The following COL18A1 variants were observed in gnomAD, a reference collection of about 807,000 sequenced individuals.
COL18A1 encodes the protein collagen type XVIII alpha 1 chain, also known as collagen alpha-1(XVIII) chain.
COL18A1 carries 133 observed loss-of-function variants against 168.0 expected under a neutral mutation model. That is an observed-to-expected ratio of 0.79 (90% CI 0.69 to 0.91). The LOEUF (loss-of-function observed/expected upper bound fraction) is 0.91, where lower values mean the gene tolerates loss of function less well. COL18A1 is among the 40% of genes least tolerant of loss of function. The pLI, the probability that COL18A1 is intolerant of heterozygous loss-of-function variation, is 0.00. For synonymous variants in COL18A1, 949 were observed against 809.0 expected (o/e 1.17, Z -2.94); for missense variants, 2,126 against 1,925.4 (o/e 1.10, Z -1.95).
intron 32 of COL18A1, among the ~76,000 whole-genome samples, chr21:45,497,997 CG>C (rs1322450541): frequency 6.6e-6 from 1 of 152,170 alleles, no homozygotes; most frequent in Non-Finnish European, 1.5e-5. Flanking sequence ...TCCACGGGGC[CG>C]GGGGTCGGCA....
intron 2 of COL18A1, among the ~76,000 whole-genome samples, chr21:45,411,083 G>A (rs529930074): frequency 6.6e-6 from 1 of 152,170 alleles, no homozygotes; most frequent in African/African-American, 2.4e-5. Flanking sequence ...GGGACATCTG[G>A]CCTCTCCCTG....
At chr21:45,508,517 AGTGGATGGGTGG>A (rs1040015890) in intron 38 of COL18A1, among the ~76,000 whole-genome samples, 13 of 148,048 alleles carry the variant, frequency 8.8e-5, no homozygotes, top group South Asian at 8.5e-4. Context: ...TAAGTGGGTT[AGTGGATGGGTGG>A]GTGGATGGAT....
chr21:45,507,984 A>G (rs1237606070), intron 38 of COL18A1, among the ~76,000 whole-genome samples: 1 of 152,148 alleles, frequency 6.6e-6, no homozygotes, highest in Non-Finnish European at 1.5e-5. Flanking sequence ...TGGGTGGGTG[A>G]ATCAATGGGG....
chr21:45,456,029 A>G lies in COL18A1; in HGVS notation c.107-12213A>G, dbSNP rs766966736. On this transcript the variant is annotated intron_variant, in intron 2 of 41. Coordinates refer to ENST00000651438, the MANE Select transcript of COL18A1 (RefSeq NM_001379500.1). ...CAGCACCCCCCAGGAGAATGGGACC[A>G]CTCTCTGGCCCAGCCGTGGCATTCC... is the stretch of plus-strand genomic sequence containing the variant. 5.0e-6 allele frequency: 8 copies of G among 1,609,610 alleles called. No individual in the cohort carries two copies. The East Asian group carries it at 1.8e-4, about 36-fold the overall frequency.
intron 2 of COL18A1, among the ~76,000 whole-genome samples, chr21:45,414,930 G>A (rs576435478): frequency 6.6e-6 from 1 of 152,280 alleles, no homozygotes; most frequent in East Asian, 1.9e-4. Flanking sequence ...TAGAGAAGGG[G>A]CAGGACAGGG....
At chr21:45,452,939 T>C (rs1398116490) in intron 2 of COL18A1, among the ~76,000 whole-genome samples, 1 of 151,944 alleles carries the variant, frequency 6.6e-6, no homozygotes, top group Non-Finnish European at 1.5e-5. Flanking sequence ...ATGTGACATG[T>C]GAGCATGTAT....
chr21:45,405,856 CCGCGGGCGGAAGGCGGCGGAG>C (rs1028171475), intron 2 of COL18A1, among the ~76,000 whole-genome samples: 1 of 151,812 alleles, frequency 6.6e-6, no homozygotes, highest in African/African-American at 2.4e-5. Flanking sequence ...CCGGGACTGA[CCGCGGGCGGAAGGCGGCGGAG>C]CGCGGGGCGT....
Position 45,473,893 on chromosome 21 carries a change from AG to A in COL18A1, c.655del. ...GTGACCCCTTTCTCTGTCTGCATTT[AG>A]GGGGTGATCGCTGAGCTGAAGGTGC... On this transcript the variant is annotated splice_acceptor_variant, in intron 3 of 41. Coordinates refer to ENST00000651438, the MANE Select transcript of COL18A1 (RefSeq NM_001379500.1). LOFTEE classifies it high-confidence loss of function. The surrounding 1 kb of genome is among the most constrained non-coding windows in gnomAD (Gnocchi z 4.0). The A allele has an allele frequency of 6.3e-7, 1 of 1,598,488 alleles. No homozygotes were observed. Among genetic ancestry groups the A allele is most frequent in the African/African-American group, 1.3e-5 (1 of 74,602 alleles).
chr21:45,492,986 TG>T (rs1370575606), intron 24 of COL18A1, among the ~76,000 whole-genome samples, 176 bp from the exon 25 acceptor site: 2 of 151,434 alleles, frequency 1.3e-5, no homozygotes, highest in Non-Finnish European at 2.9e-5. Flanking sequence ...GGTGTCCTGG[TG>T]GGGGTCACCT....
chr21:45,405,314 C>G lies in COL18A1; in HGVS notation c.12-65C>G, dbSNP rs879335792. ...TGCGGGGGTCGCGGGGGTCGCGGGG[C>G]TCGGCCGGGTCCTGCGGGGGTCGCG... On this transcript the variant is annotated intron_variant, in intron 1 of 41. Coordinates refer to ENST00000651438, the MANE Select transcript of COL18A1 (RefSeq NM_001379500.1). 30,404 of 359,768 alleles carry G rather than the reference C, an allele frequency of 0.085. 1,245 individuals carry two copies. The highest frequency in any genetic ancestry group is 0.42 in the African/African-American group (8,235 of 19,784). The allele number at this position is 359,768 out of a possible 1,614,324, so 22.3% of individuals were successfully genotyped here. A position where few individuals can be genotyped will look rare whatever the true frequency, so the allele number is the denominator to read the frequency against.
intron 3 of COL18A1, among the ~76,000 whole-genome samples, chr21:45,472,105 T>G (rs541856422): frequency 6.6e-6 from 1 of 152,146 alleles, no homozygotes; most frequent in Non-Finnish European, 1.5e-5. Context: ...CGGGCCTCTC[T>G]GGACAGTGCA....
chr21:45,456,073 C>A (rs761412846), intron 2 of COL18A1: 3 of 1,603,880 alleles, frequency 1.9e-6, no homozygotes, highest in South Asian at 1.1e-5. Context: ...CGGGCGCCCA[C>A]ACAACCGAGG....
At chr21:45,409,703 G>T (rs187439850) in intron 2 of COL18A1, among the ~76,000 whole-genome samples, 2 of 152,374 alleles carry the variant, frequency 1.3e-5, no homozygotes, top group African/African-American at 4.8e-5. Context: ...CTGCTCCACG[G>T]CCAGTGGCTG....
At chr21:45,449,303 G>T (rs549779495) in intron 2 of COL18A1, among the ~76,000 whole-genome samples, 1 of 152,198 alleles carries the variant, frequency 6.6e-6, no homozygotes, top group East Asian at 1.9e-4. Flanking sequence ...CCCGCTGAGC[G>T]CCAGGCTGTG....
chr21:45,509,288 G>C (rs2146118611), intron 38 of COL18A1, 68 bp from the exon 39 acceptor site: 6 of 1,530,930 alleles, frequency 3.9e-6, no homozygotes, highest in Non-Finnish European at 5.2e-6. Flanking sequence ...GCCCAGAGGA[G>C]GACACAGATG....
rs2034759661 is a variant in COL18A1 at position 45,455,419 on chromosome 21, C to A, written c.107-12823C>A. ...AGAGTGGGGGGTGGAAGACAGCCGG[C>A]CAGAGGCTGGGAAGCCTGCACAGGG... On this transcript the variant is annotated intron_variant, in intron 2 of 41. Transcript: ENST00000651438. 3 of 1,484,806 alleles carry A rather than the reference C, an allele frequency of 2.0e-6. No individual in the cohort carries two copies. The African/African-American group carries it at 4.1e-5, about 21-fold the overall frequency. 92.0% of individuals were successfully genotyped at this position (1,484,806 alleles called of 1,614,324 possible). A position where few individuals can be genotyped will look rare whatever the true frequency, so the allele number is the denominator to read the frequency against.
At chr21:45,511,071 CCCACACA>C (rs2037578370) in intron 40 of COL18A1, 33 bp from the exon 41 acceptor site, 2 of 949,072 alleles carry the variant, frequency 2.1e-6, no homozygotes, top group Non-Finnish European at 3.1e-6. Context: ...CATCCACACC[CCCACACA>C]CCACACACAC....
At position 45,509,944 on chromosome 21, in the gene COL18A1, C is replaced by T. The variant is rs1032166919; in HGVS notation, c.3496-120C>T. The stretch of plus-strand genomic sequence containing the variant: ...CCTCAGTGTGTCACTTGCGCGCCTC[C>T]CGCTCAGCGCCCCTCGGCCGTGCCT... On this transcript the variant is annotated intron_variant, in intron 39 of 41. Transcript: ENST00000651438. The T allele has an allele frequency of 5.8e-6, 7 of 1,196,998 alleles. No homozygotes were observed. In the African/African-American group the frequency reaches 1.1e-4, roughly 18 times the overall value. The allele number at this position is 1,196,998 out of a possible 1,614,324, so 74.1% of individuals were successfully genotyped here. A position where few individuals can be genotyped will look rare whatever the true frequency, so the allele number is the denominator to read the frequency against.
Position 45,505,838 on chromosome 21 carries a change from G to GT in COL18A1, c.3089dup (p.Arg1031GlufsTer56). 2 of 1,601,276 alleles carry GT rather than the reference G, an allele frequency of 1.2e-6. No individual in the cohort carries two copies. The highest frequency in any genetic ancestry group is 1.7e-6 in the Non-Finnish European group (2 of 1,175,648). ...ACACCTCTGCATTTGGTCCCAGCAG[G>GT]TGAGGCTCTGGGCTACACGCCAGGC... On this transcript the variant is annotated frameshift_variant and splice_region_variant, in exon 37 of 42. Transcript: ENST00000651438. LOFTEE classifies it high-confidence loss of function.
Sources: gnomAD v4.1 joint callset for allele counts (sites outside exome capture counted in the v4.1 genomes callset) on GRCh38, gnomAD v4.1.1 for gene constraint, Gnocchi (gnomAD v3.1) non-coding constraint, MANE v1.5 for transcripts, NCBI Gene and HGNC (gene_info 2026-07-23, HGNC 2026-07-21) for gene names.